DMD: variants seen among roughly 807,000 people sequenced by gnomAD.
DMD encodes the protein dystrophin.
In DMD, 63 loss-of-function variants were observed where a neutral mutation model predicts 330.1. The observed-to-expected ratio is 0.19, with a 90% CI of 0.16 to 0.24. The LOEUF (loss-of-function observed/expected upper bound fraction) is 0.24, where lower values mean the gene tolerates loss of function less well. DMD is among the 10% of genes least tolerant of loss of function. DMD has a pLI of 1.00. For missense variants in DMD, 3,344 were observed against 2,684.1 expected (o/e 1.25, Z -5.43); for synonymous variants, 1,223 against 959.8 (o/e 1.27, Z -5.07).
At chrX:32,464,427 C>A (rs1212491675) in intron 24 of DMD, among the ~76,000 whole-genome samples, 159 bp downstream of exon 24, 2 of 110,344 alleles carry the variant, frequency 1.8e-5, no homozygotes, top group African/African-American at 6.6e-5. Flanking sequence ...CTAACCACCA[C>A]CCCCAACCCA....
At chrX:31,600,800 ATG>A (rs2077323996) in intron 55 of DMD, among the ~76,000 whole-genome samples, 1 of 103,508 alleles carries the variant, frequency 9.7e-6, no homozygotes, top group Non-Finnish European at 2.0e-5. Context: ...AATCTGCATG[ATG>A]TTTTTTTTTT....
At chrX:33,145,038 G>C (rs1165029341) in intron 1 of DMD, among the ~76,000 whole-genome samples, 1 of 111,814 alleles carries the variant, frequency 8.9e-6, no homozygotes, top group Admixed American at 9.6e-5. Flanking sequence ...GCTATATATT[G>C]AGGAATTAAT....
intron 33 of DMD, among the ~76,000 whole-genome samples, chrX:32,384,964 A>G (rs2097948122): frequency 9.0e-6 from 1 of 111,480 alleles, no homozygotes; most frequent in Non-Finnish European, 1.9e-5. Context: ...TAATATTGTT[A>G]AGATGTCTGT....
At chrX:31,864,637 G>A (rs887231508) in intron 48 of DMD, among the ~76,000 whole-genome samples, 9 of 109,196 alleles carry the variant, frequency 8.2e-5, no homozygotes, top group African/African-American at 2.3e-4. Context: ...CTACAGGTGC[G>A]TGCCACCATG....
intron 2 of DMD, among the ~76,000 whole-genome samples, chrX:32,934,088 T>A (rs2089809541): frequency 8.9e-6 from 1 of 111,861 alleles, no homozygotes; most frequent in African/African-American, 3.3e-5. Flanking sequence ...GTTAAGGACA[T>A]TACAAAGATT....
At chrX:32,787,213 A>T (rs1016216688) in intron 7 of DMD, among the ~76,000 whole-genome samples, 2 of 83,379 alleles carry the variant, frequency 2.4e-5, no homozygotes, top group Admixed American at 2.9e-4. Context: ...CTCTCTGTCA[A>T]GTGTGTGTGT....
At chrX:33,242,727 T>C (rs2052605953) in intron 1 of DMD, among the ~76,000 whole-genome samples, 1 of 111,891 alleles carries the variant, frequency 8.9e-6, no homozygotes, top group Non-Finnish European at 1.9e-5. Flanking sequence ...TGTAGAAGTG[T>C]TCCCTGATCA....
At chrX:32,371,689 A>C (rs899253592) in intron 34 of DMD, among the ~76,000 whole-genome samples, 1 of 111,341 alleles carries the variant, frequency 9.0e-6, no homozygotes, top group African/African-American at 3.3e-5. Context: ...TCCTATGGTT[A>C]TGTTTTCGTG....
chrX:32,727,404 T>G (rs979758489), intron 7 of DMD, among the ~76,000 whole-genome samples: 5 of 110,967 alleles, frequency 4.5e-5, no homozygotes, highest in Admixed American at 1.9e-4. Flanking sequence ...AGAGCAGAAC[T>G]CTAAATTCTG....
chrX:32,959,857 A>G (rs772552122), intron 2 of DMD, among the ~76,000 whole-genome samples: 21 of 111,906 alleles, frequency 1.9e-4, no homozygotes, highest in African/African-American at 6.8e-4. Context: ...CTCCAGCATC[A>G]TCCGTGTTCT....
intron 44 of DMD, among the ~76,000 whole-genome samples, chrX:32,096,228 T>C (rs1312632672): frequency 1.8e-5 from 2 of 111,754 alleles, no homozygotes; most frequent in Non-Finnish European, 3.8e-5. Flanking sequence ...GAAACAAAAG[T>C]TTCACAAATG....
intron 19 of DMD, among the ~76,000 whole-genome samples, chrX:32,498,467 T>C (rs1264628812): frequency 9.0e-6 from 1 of 110,782 alleles, no homozygotes; most frequent in Admixed American, 9.7e-5. Flanking sequence ...TTTTAGTCTA[T>C]GATCGTGAAA....
intron 55 of DMD, among the ~76,000 whole-genome samples, chrX:31,595,405 A>T (rs1271002380): frequency 9.0e-6 from 1 of 111,037 alleles, no homozygotes. Flanking sequence ...TTCCATCCTA[A>T]CAAGTACCAA....
At chrX:32,703,363 ATT>A (rs1418299194) in intron 7 of DMD, among the ~76,000 whole-genome samples, 1 of 111,233 alleles carries the variant, frequency 9.0e-6, no homozygotes. Context: ...TTTTTTTGTC[ATT>A]TTTGTCATAT....
At chrX:33,210,949 G>C (rs1427198400) in intron 1 of DMD, among the ~76,000 whole-genome samples, 1 of 110,932 alleles carries the variant, frequency 9.0e-6, no homozygotes, top group African/African-American at 3.3e-5. Flanking sequence ...TAATAACTCA[G>C]ATATACAAAC....
chrX:33,154,146 C>T (rs2048395193), intron 1 of DMD, among the ~76,000 whole-genome samples: 1 of 111,989 alleles, frequency 8.9e-6, no homozygotes, highest in South Asian at 3.7e-4. Context: ...CCTGTAATCC[C>T]AGCACTTTGG....
chrX:33,264,107 T>A (rs903447424), intron 1 of DMD, among the ~76,000 whole-genome samples: 1 of 111,052 alleles, frequency 9.0e-6, no homozygotes, highest in African/African-American at 3.3e-5. Flanking sequence ...TAGTCATTGT[T>A]TGGCCTGTAT....
intron 25 of DMD, among the ~76,000 whole-genome samples, chrX:32,459,337 C>A (rs2098374625): frequency 9.0e-6 from 1 of 110,805 alleles, no homozygotes; most frequent in African/African-American, 3.3e-5. Flanking sequence ...CATACCTCAA[C>A]AAAGTGGTTT....
At chrX:32,844,938 T>C (rs1603447112) in intron 3 of DMD, 78 bp from the exon 4 acceptor site, 1 of 825,554 alleles carries the variant, frequency 1.2e-6, no homozygotes, top group South Asian at 2.1e-5. Context: ...ATTTATAATT[T>C]CACTATTAAG....
Sources: gnomAD v4.1 joint callset for allele counts (sites outside exome capture counted in the v4.1 genomes callset) on GRCh38, gnomAD v4.1.1 for gene constraint, MANE v1.5 for transcripts, NCBI Gene and HGNC (gene_info 2026-07-23, HGNC 2026-07-21) for gene names.